The following XYLT1 variants were observed in gnomAD, a reference collection of about 807,000 sequenced individuals.
XYLT1 encodes beta-D-xylosyltransferase 1.
XYLT1 carries 36 observed loss-of-function variants against 91.3 expected under a neutral mutation model. That is an observed-to-expected ratio of 0.39 (90% confidence interval 0.30 to 0.52). The LOEUF (loss-of-function observed/expected upper bound fraction) is 0.52. Among genes scored for constraint, XYLT1 ranks in the 20% least tolerant of loss-of-function variants. The probability of loss-of-function intolerance (pLI) is 0.68; values close to 1 mark genes in which losing one functional copy is unlikely to be tolerated. For missense variants in XYLT1, 1,242 were observed against 1,284.5 expected (o/e 0.97, Z 0.51); for synonymous variants, 588 against 532.0 (o/e 1.11, Z -1.45).
chr16:17,379,094 A>AG (rs1308834421), intron 1 of XYLT1, among the ~76,000 whole-genome samples: 3 of 152,188 alleles, frequency 2.0e-5, no homozygotes, highest in Non-Finnish European at 4.4e-5. Flanking sequence ...GGCAGGAAAA[A>AG]AGTGCATATT....
chr16:17,244,533 T>C (rs1327468992), intron 3 of XYLT1, among the ~76,000 whole-genome samples: 1 of 152,120 alleles, frequency 6.6e-6, no homozygotes, highest in East Asian at 1.9e-4. Flanking sequence ...CTATCACAAT[T>C]TAAAATGGGC....
intron 2 of XYLT1, among the ~76,000 whole-genome samples, chr16:17,279,443 G>C (rs1490315770): frequency 1.3e-5 from 2 of 152,176 alleles, no homozygotes; most frequent in Non-Finnish European, 2.9e-5. Context: ...AGGCCACACA[G>C]ATCAGGGATT....
intron 1 of XYLT1, among the ~76,000 whole-genome samples, chr16:17,414,499 A>T (rs1287588090): frequency 1.3e-5 from 2 of 152,064 alleles, no homozygotes; most frequent in Admixed American, 6.6e-5. Context: ...CCTGGCTATC[A>T]GACATCTTTA....
chr16:17,160,060 C>T (rs1324219776), intron 5 of XYLT1, among the ~76,000 whole-genome samples: 6 of 152,316 alleles, frequency 3.9e-5, no homozygotes, highest in South Asian at 2.1e-4. Context: ...GCTAGACCTT[C>T]GAGAAGCAGG....
intron 5 of XYLT1, among the ~76,000 whole-genome samples, chr16:17,192,101 T>C (rs1298437720): frequency 3.6e-5 from 4 of 110,844 alleles, no homozygotes; most frequent in East Asian, 4.3e-4. Context: ...TCTTTTTTTT[T>C]TTTTTTTTTT....
chr16:17,109,432 G>C (rs1966823835), intron 11 of XYLT1, among the ~76,000 whole-genome samples: 1 of 152,180 alleles, frequency 6.6e-6, no homozygotes, highest in South Asian at 2.1e-4. Context: ...ATCTATTCTA[G>C]GTGGTGGAGC....
intron 5 of XYLT1, among the ~76,000 whole-genome samples, chr16:17,169,892 C>T (rs1160053414): frequency 3.3e-5 from 5 of 152,048 alleles, no homozygotes; most frequent in African/African-American, 1.2e-4. Context: ...CAGAGGGCAT[C>T]GAAAGATTGA....
intron 2 of XYLT1, among the ~76,000 whole-genome samples, chr16:17,313,420 CA>C (rs2034580370): frequency 6.6e-6 from 1 of 152,208 alleles, no homozygotes; most frequent in Non-Finnish European, 1.5e-5. Context: ...AGCGACCTAC[CA>C]GACAAGGCCC....
At chr16:17,184,087 C>T (rs959110343) in intron 5 of XYLT1, among the ~76,000 whole-genome samples, 7 of 151,974 alleles carry the variant, frequency 4.6e-5, no homozygotes, top group Admixed American at 2.0e-4. Flanking sequence ...TAGACCACCC[C>T]GGGCTCACAT....
intron 1 of XYLT1, among the ~76,000 whole-genome samples, chr16:17,448,990 C>T (rs1165886826): frequency 2.6e-5 from 4 of 152,180 alleles, no homozygotes; most frequent in Admixed American, 2.0e-4. Flanking sequence ...GGCACCTTGG[C>T]GCCAAGTCCC....
intron 5 of XYLT1, among the ~76,000 whole-genome samples, chr16:17,170,208 G>C (rs1193063171): frequency 6.6e-6 from 1 of 152,196 alleles, no homozygotes; most frequent in East Asian, 1.9e-4. Context: ...TAGAAATGCA[G>C]AGAGAAAGGC....
chr16:17,244,461 G>A (rs2033402034), intron 3 of XYLT1, among the ~76,000 whole-genome samples: 1 of 152,198 alleles, frequency 6.6e-6, no homozygotes, highest in Non-Finnish European at 1.5e-5. Flanking sequence ...TCCTGTTGGT[G>A]ACCAATACAG....
At chr16:17,455,582 CTAAATAAATAAATAAATAAA>C (rs71137993) in intron 1 of XYLT1, among the ~76,000 whole-genome samples, 10 of 144,342 alleles carry the variant, frequency 6.9e-5, no homozygotes, top group African/African-American at 2.6e-4. Flanking sequence ...GACTCCATCT[CTAAATAAATAAATAAATAAA>C]TAAATAAATA....
chr16:17,206,264 C>T (rs1437907312), intron 3 of XYLT1, among the ~76,000 whole-genome samples: 1 of 152,112 alleles, frequency 6.6e-6, no homozygotes, highest in Non-Finnish European at 1.5e-5. Flanking sequence ...AGAAAACCTG[C>T]ACGCTCAAGG....
At chr16:17,140,435 A>G (rs1361025516) in intron 7 of XYLT1, among the ~76,000 whole-genome samples, 1 of 152,064 alleles carries the variant, frequency 6.6e-6, no homozygotes, top group Admixed American at 6.6e-5. Context: ...CTGAGGCAGG[A>G]GGACCACTTG....
chr16:17,225,980 A>T (rs1165280805), intron 3 of XYLT1, among the ~76,000 whole-genome samples: 1 of 152,222 alleles, frequency 6.6e-6, no homozygotes, highest in African/African-American at 2.4e-5. Context: ...AATTATAAAA[A>T]AAAATCTGCA....
At chr16:17,141,023 G>A in intron 7 of XYLT1, 130 bp downstream of exon 7, 1 of 877,604 alleles carries the variant, frequency 1.1e-6, no homozygotes, top group East Asian at 2.4e-5. Context: ...AAGACAGCAA[G>A]GATGTCTGGG....
intron 1 of XYLT1, among the ~76,000 whole-genome samples, chr16:17,393,930 C>T (rs1198048953): frequency 2.0e-5 from 3 of 152,006 alleles, no homozygotes; most frequent in Non-Finnish European, 2.9e-5. Flanking sequence ...CGCCCGCCAC[C>T]GCACCTGGCT....
intron 2 of XYLT1, among the ~76,000 whole-genome samples, chr16:17,291,937 A>G (rs1173528751): frequency 2.0e-5 from 3 of 152,064 alleles, no homozygotes; most frequent in African/African-American, 4.8e-5. Context: ...CTGTAATCCT[A>G]GCACTTAGGG....
Sources: gnomAD v4.1 joint callset for allele counts (sites outside exome capture counted in the v4.1 genomes callset) on GRCh38, gnomAD v4.1.1 for gene constraint, MANE v1.5 for transcripts, NCBI Gene and HGNC (gene_info 2026-07-23, HGNC 2026-07-21) for gene names.